KCNH8: variants seen among roughly 807,000 people sequenced by gnomAD.
The protein encoded by KCNH8 is potassium voltage-gated channel subfamily H member 8.
In KCNH8, 70 loss-of-function variants were observed where a neutral mutation model predicts 103.6. That is an observed-to-expected ratio of 0.68 (90% confidence interval 0.56 to 0.82). KCNH8 has a LOEUF of 0.82. Among genes scored for constraint, KCNH8 ranks in the 40% least tolerant of loss-of-function variants. The probability of loss-of-function intolerance (pLI) is 0.00; values close to 1 mark genes in which losing one functional copy is unlikely to be tolerated. For missense variants in KCNH8, 1,217 were observed against 1,329.9 expected, an observed-to-expected ratio of 0.92 and a Z score of 1.32; for synonymous variants, 498 against 489.4, an observed-to-expected ratio of 1.02 and a Z score of -0.23.
At chr3:19,170,371 T>C (rs1017948329) in intron 1 of KCNH8, among the ~76,000 whole-genome samples, 3 of 152,006 alleles carry the variant, frequency 2.0e-5, no homozygotes, top group Admixed American at 2.0e-4. Flanking sequence ...TTCAACTGAA[T>C]GTTCATTGCA....
In KCNH8 at chr3:19,347,848, A is replaced by G; in HGVS notation, c.694A>G (p.Thr232Ala). ...CTGGGACTGGCTTATTTTGTTGGCA[A>G]CGTTTTATGTTGCTGTGACTGTACC... ...AGWDWLILLA[T>A]FYVAVTVPYN... The change falls in exon 5 of 16, where the codon ACG becomes GCG. Residue 232 changes from threonine (T) to alanine (A), a missense_variant. By Grantham distance (58) the Thr-to-Ala change is moderately conservative (BLOSUM62 0). This residue lies in a region of KCNH8 where 415 missense variants were observed against 577.4 expected (regional missense o/e 0.72). Coordinates refer to ENST00000328405, the MANE Select transcript of KCNH8 (RefSeq NM_144633.3). The G allele has an allele frequency of 1.2e-6, 2 of 1,613,378 alleles. No homozygotes were observed. The highest frequency in any genetic ancestry group is 2.2e-5 in the East Asian group (1 of 44,862).
chr3:19,163,635 TA>T (rs1202711811), intron 1 of KCNH8, among the ~76,000 whole-genome samples: 2 of 152,176 alleles, frequency 1.3e-5, no homozygotes, highest in Non-Finnish European at 2.9e-5. Context: ...TCCACAATTT[TA>T]ATTGTTAATA....
At chr3:19,369,983 T>C (rs1326337178) in intron 5 of KCNH8, among the ~76,000 whole-genome samples, 1 of 152,110 alleles carries the variant, frequency 6.6e-6, no homozygotes, top group Non-Finnish European at 1.5e-5. Flanking sequence ...GCTGTTTTAA[T>C]AAAGTGTATG....
intron 3 of KCNH8, among the ~76,000 whole-genome samples, chr3:19,308,398 C>G (rs532762624): frequency 7.0e-4 from 106 of 151,744 alleles, no homozygotes; most frequent in Non-Finnish European, 1.2e-3. Flanking sequence ...AACCTAAGCC[C>G]TGAGTAGTTA....
chr3:19,150,202 T>C (rs2063115106), intron 1 of KCNH8, among the ~76,000 whole-genome samples: 1 of 152,190 alleles, frequency 6.6e-6, no homozygotes, highest in Non-Finnish European at 1.5e-5. Context: ...ATAAATATTA[T>C]AGGAAAACTT....
At chr3:19,210,489 A>T (rs9873189) in intron 1 of KCNH8, among the ~76,000 whole-genome samples, 45 of 152,184 alleles carry the variant, frequency 3.0e-4, no homozygotes, top group Middle Eastern at 3.4e-3. Flanking sequence ...ATCTCATTTG[A>T]AGTGTAAGAT....
chr3:19,412,013 A>G (rs1245386288), intron 7 of KCNH8, among the ~76,000 whole-genome samples: 2 of 151,856 alleles, frequency 1.3e-5, no homozygotes, highest in African/African-American at 4.8e-5. Context: ...TTTAAGAATT[A>G]TTTAAAAAAA....
At chr3:19,292,458 T>C (rs1227508797) in intron 3 of KCNH8, among the ~76,000 whole-genome samples, 2 of 152,200 alleles carry the variant, frequency 1.3e-5, no homozygotes, top group African/African-American at 4.8e-5. Context: ...GCAGATACCA[T>C]TGCCTATTAC....
chr3:19,350,736 C>G (rs1015504763), intron 5 of KCNH8, among the ~76,000 whole-genome samples: 1 of 152,118 alleles, frequency 6.6e-6, no homozygotes, highest in Non-Finnish European at 1.5e-5. Context: ...ACGTCACCAT[C>G]ATCAGAGACC....
intron 13 of KCNH8, 111 bp downstream of exon 13, chr3:19,513,436 G>C: frequency 1.4e-6 from 2 of 1,409,062 alleles, no homozygotes; most frequent in Non-Finnish European, 9.5e-7. Flanking sequence ...TCCTAGCCTG[G>C]AATCCTCAGC....
chr3:19,162,900 T>A (rs2063247860), intron 1 of KCNH8, among the ~76,000 whole-genome samples: 1 of 152,086 alleles, frequency 6.6e-6, no homozygotes, highest in Non-Finnish European at 1.5e-5. Context: ...ATATCAAAAT[T>A]TGGGGGAAAA....
intron 5 of KCNH8, among the ~76,000 whole-genome samples, chr3:19,348,709 G>A (rs185799592): frequency 6.6e-6 from 1 of 152,108 alleles, no homozygotes; most frequent in Non-Finnish European, 1.5e-5. Flanking sequence ...ATTAGCAGCT[G>A]ATACCTGCTT....
At chr3:19,531,096 T>TTTAA (rs2069153924) in intron 15 of KCNH8, among the ~76,000 whole-genome samples, 1 of 152,264 alleles carries the variant, frequency 6.6e-6, no homozygotes, top group African/African-American at 2.4e-5. Flanking sequence ...TGTGCCTTTA[T>TTTAA]TTAATTCTCA....
chr3:19,234,656 G>A (rs2064040164), intron 1 of KCNH8, among the ~76,000 whole-genome samples: 1 of 142,910 alleles, frequency 7.0e-6, no homozygotes, highest in African/African-American at 2.6e-5. Context: ...TGAGGGAGCC[G>A]GCTCCCGGCC....
At chr3:19,240,495 C>T (rs1232066563) in intron 1 of KCNH8, among the ~76,000 whole-genome samples, 1 of 151,800 alleles carries the variant, frequency 6.6e-6, no homozygotes, top group Non-Finnish European at 1.5e-5. Flanking sequence ...GCCTGTAATC[C>T]CAGGTACTCT....
chr3:19,414,846 A>G (rs2066838594), intron 7 of KCNH8, among the ~76,000 whole-genome samples: 1 of 151,998 alleles, frequency 6.6e-6, no homozygotes, highest in South Asian at 2.1e-4. Flanking sequence ...GATTTCCTGG[A>G]GATGCTTTAA....
intron 7 of KCNH8, among the ~76,000 whole-genome samples, chr3:19,396,228 A>C (rs1575012906): frequency 1.3e-5 from 2 of 152,016 alleles, no homozygotes; most frequent in Non-Finnish European, 2.9e-5. Context: ...AGACCTTTGC[A>C]TAGGAGACTG....
Position 19,512,248 on chromosome 3 carries a change from CTCTT to C in KCNH8, c.2080-715_2080-712del, listed in dbSNP as rs1409215669. Among the ~76,000 whole-genome samples the C allele has an allele frequency of 3.3e-5, 5 of 152,300 alleles. No individual in the cohort carries two copies. The East Asian group carries it at 7.7e-4, about 24-fold the overall frequency. Reference sequence around the variant, plus strand: ...ATCACCTCAATTGTCTTTTCCCACACTCTTTCTTTCCTCTTCTTAGTCTACACAG... The same window carrying C: ...ATCACCTCAATTGTCTTTTCCCACACTCTTTCCTCTTCTTAGTCTACACAG... On this transcript the variant is annotated intron_variant, in intron 12 of 15. Transcript: ENST00000328405.
At chr3:19,489,179 C>A (rs1482005441) in intron 11 of KCNH8, among the ~76,000 whole-genome samples, 1 of 152,060 alleles carries the variant, frequency 6.6e-6, no homozygotes, top group East Asian at 1.9e-4. Context: ...GTGTGGCTAT[C>A]TGGTGGAGGT....
Sources: allele counts gnomAD v4.1 joint callset (sites outside exome capture counted in the v4.1 genomes callset), GRCh38; gene constraint gnomAD v4.1.1; regional missense constraint gnomAD v4.1.1; transcripts MANE v1.5; gene names NCBI Gene and HGNC (gene_info 2026-07-23, HGNC 2026-07-21).